The following USP12 variants were observed in gnomAD, a reference collection of about 807,000 sequenced individuals.
USP12 encodes ubiquitin specific peptidase 12, also known as ubiquitin carboxyl-terminal hydrolase 12.
In USP12, 19 loss-of-function variants were observed where a neutral mutation model predicts 45.5. That is an observed-to-expected ratio of 0.42 (90% CI 0.29 to 0.61). The LOEUF is 0.61. USP12 is among the 20% of genes least tolerant of loss of function. The pLI, the probability that USP12 is intolerant of heterozygous loss-of-function variation, is 0.22. For missense variants in USP12, 242 were observed against 447.7 expected (o/e 0.54, Z 4.15); for synonymous variants, 149 against 148.8 (o/e 1.00, Z -0.01).
chr13:27,116,207 G>C (rs1165757483), intron 2 of USP12, among the ~76,000 whole-genome samples: 2 of 151,812 alleles, frequency 1.3e-5, no homozygotes, highest in Non-Finnish European at 2.9e-5. Context: ...AGCTACTCGG[G>C]AGGCTGAGGC....
At chr13:27,149,861 G>A (rs113423353) in intron 1 of USP12, among the ~76,000 whole-genome samples, 3,653 of 152,266 alleles carry the variant, frequency 0.024, 160 homozygotes, top group African/African-American at 0.083. Context: ...CCTCGCATGC[G>A]CGGTTCATAA....
chr13:27,119,925 T>C (rs1875907927), intron 1 of USP12, among the ~76,000 whole-genome samples: 1 of 152,242 alleles, frequency 6.6e-6, no homozygotes, highest in South Asian at 2.1e-4. Context: ...GCTTATTGCA[T>C]GCATTCAAGG....
chr13:27,093,245 G>A lies in USP12; in HGVS notation c.573+2356C>T, dbSNP rs528334562. ...GTTAAAAGAATGAAAAACAAGTCAC[G>A]GACTGGGAGAAAATATTTGCCAAAG... On this transcript the variant is annotated intron_variant, in intron 4 of 8. Transcript: ENST00000282344. Among the ~76,000 whole-genome samples, 74 of 151,304 alleles carry A rather than the reference G, an allele frequency of 4.9e-4. 1 individual carries two copies. The East Asian group carries it at 0.013, about 27-fold the overall frequency.
At chr13:27,125,733 G>A (rs1218436430) in intron 1 of USP12, among the ~76,000 whole-genome samples, 1 of 152,230 alleles carries the variant, frequency 6.6e-6, no homozygotes, top group Non-Finnish European at 1.5e-5. Context: ...TGTACCTGGA[G>A]GAAGGGTACA....
At position 27,069,075 on chromosome 13, in the gene USP12, C is replaced by T; in HGVS notation, c.*208G>A. The T allele has an allele frequency of 1.7e-6, 1 of 595,262 alleles. No homozygotes were observed. 36.9% of individuals were successfully genotyped at this position (595,262 alleles called of 1,614,324 possible). A position where few individuals can be genotyped will look rare whatever the true frequency, so the allele number is the denominator to read the frequency against. ...CACCTCCTTGTTGTATGGAACTGTA[C>T]AGACAGCATGATACCTGAGCAAATA... On this transcript the variant is annotated 3_prime_UTR_variant, in exon 9 of 9. Transcript: ENST00000282344.
intron 2 of USP12, among the ~76,000 whole-genome samples, chr13:27,109,435 A>G (rs891215452): frequency 1.3e-5 from 2 of 152,210 alleles, no homozygotes; most frequent in Non-Finnish European, 2.9e-5. Context: ...CAGGCAATGA[A>G]AGAGACAATA....
chr13:27,170,416 C>T (rs754555069), intron 1 of USP12: 34 of 398,172 alleles, frequency 8.5e-5, no homozygotes, highest in Non-Finnish European at 1.3e-4. Context: ...ATAAATAGGG[C>T]CAGTGAGGCA....
At chr13:27,145,923 C>T (rs1300500547) in intron 1 of USP12, among the ~76,000 whole-genome samples, 8 of 152,160 alleles carry the variant, frequency 5.3e-5, no homozygotes, top group Middle Eastern at 3.4e-3. Context: ...TTTAATGATC[C>T]AGATTTTGTT....
chr13:27,139,249 T>C (rs1399499426), intron 1 of USP12, among the ~76,000 whole-genome samples: 1 of 152,246 alleles, frequency 6.6e-6, no homozygotes, highest in Non-Finnish European at 1.5e-5. Flanking sequence ...ATAATGCTGA[T>C]ATACCCTATA....
At chr13:27,123,092 A>T (rs1475821655) in intron 1 of USP12, among the ~76,000 whole-genome samples, 10 of 204 alleles carry the variant, frequency 0.049, no homozygotes, top group East Asian at 0.42. Flanking sequence ...AGTCCATCTC[A>T]AAAAAAAAAA....
At chr13:27,141,172 T>C (rs1039232350) in intron 1 of USP12, among the ~76,000 whole-genome samples, 1 of 152,040 alleles carries the variant, frequency 6.6e-6, no homozygotes, top group Non-Finnish European at 1.5e-5. Flanking sequence ...CGCACCATCA[T>C]GCCTGGCTAA....
intron 4 of USP12, among the ~76,000 whole-genome samples, chr13:27,093,917 A>C (rs1308966711): frequency 6.6e-6 from 1 of 152,228 alleles, no homozygotes; most frequent in Non-Finnish European, 1.5e-5. Flanking sequence ...TAAGTGGAAG[A>C]AGCTAATCCA....
At chr13:27,165,606 A>G (rs1235077736) in intron 1 of USP12, among the ~76,000 whole-genome samples, 1 of 152,190 alleles carries the variant, frequency 6.6e-6, no homozygotes, top group Non-Finnish European at 1.5e-5. Context: ...AGGTACAGAG[A>G]AGTAACTTGT....
chr13:27,161,980 A>G (rs1878130798), intron 1 of USP12, among the ~76,000 whole-genome samples: 1 of 152,338 alleles, frequency 6.6e-6, no homozygotes, highest in South Asian at 2.1e-4. Context: ...ACTTTGCTTC[A>G]TGGATCATTA....
chr13:27,117,695 G>A (rs1388739974), intron 1 of USP12: 2 of 517,526 alleles, frequency 3.9e-6, no homozygotes, highest in Admixed American at 3.9e-5. Flanking sequence ...AGTGAGTGCT[G>A]GAAGAGGGAT....
intron 1 of USP12, among the ~76,000 whole-genome samples, chr13:27,168,155 T>C (rs1159489305): frequency 6.6e-6 from 1 of 152,148 alleles, no homozygotes; most frequent in Non-Finnish European, 1.5e-5. Flanking sequence ...TACCACCATG[T>C]TCTAATGGAT....
At chr13:27,154,968 A>G (rs1217641661) in intron 1 of USP12, among the ~76,000 whole-genome samples, 6 of 151,690 alleles carry the variant, frequency 4.0e-5, no homozygotes, top group Admixed American at 3.9e-4. Context: ...AAAGGCAAAG[A>G]AACAGTCCCT....
At chr13:27,162,334 A>C (rs1471204026) in intron 1 of USP12, among the ~76,000 whole-genome samples, 1 of 152,220 alleles carries the variant, frequency 6.6e-6, no homozygotes, top group African/African-American at 2.4e-5. Flanking sequence ...AAAATTCCCC[A>C]ATCTCTTGTT....
At chr13:27,094,606 T>A (rs1442560314) in intron 4 of USP12, among the ~76,000 whole-genome samples, 5 of 152,086 alleles carry the variant, frequency 3.3e-5, no homozygotes, top group African/African-American at 9.7e-5. Context: ...ACAGACGTGA[T>A]GCCCCGAGAA....
Sources: gnomAD v4.1 joint callset for allele counts (sites outside exome capture counted in the v4.1 genomes callset) on GRCh38, gnomAD v4.1.1 for gene constraint, MANE v1.5 for transcripts, NCBI Gene and HGNC (gene_info 2026-07-23, HGNC 2026-07-21) for gene names.